Variants in CSMD3 observed in about 807,000 individuals in gnomAD.
CSMD3 encodes CUB and sushi domain-containing protein 3.
CSMD3 carries 177 observed loss-of-function variants against 435.2 expected under a neutral mutation model. That is an observed-to-expected ratio of 0.41 (90% CI 0.36 to 0.46). The LOEUF (loss-of-function observed/expected upper bound fraction) is 0.46. Among genes scored for constraint, CSMD3 ranks in the 20% least tolerant of loss-of-function variants. The pLI, the probability that CSMD3 is intolerant of heterozygous loss-of-function variation, is 0.34. For missense variants in CSMD3, 4,265 were observed against 4,504.6 expected (o/e 0.95, Z 1.52); for synonymous variants, 1,656 against 1,520.5 (o/e 1.09, Z -2.07).
At chr8:112,259,442 G>A (rs557979036) in intron 61 of CSMD3, among the ~76,000 whole-genome samples, 1 of 152,198 alleles carries the variant, frequency 6.6e-6, no homozygotes, top group South Asian at 2.1e-4. Flanking sequence ...GCCTGTCAGG[G>A]GGTGAGGGTC....
At chr8:112,241,828 A>C in intron 65 of CSMD3, 43 bp from the exon 66 acceptor site, 2 of 1,153,828 alleles carry the variant, frequency 1.7e-6, no homozygotes, top group Non-Finnish European at 2.6e-6. Context: ...TGATGCAATT[A>C]ATTACATACA....
At position 112,668,490 on chromosome 8, in the gene CSMD3, AG is replaced by A. The variant is rs1216057417; in HGVS notation, c.2678-2076del. Among the ~76,000 whole-genome samples the A allele has an allele frequency of 3.3e-5, 5 of 152,300 alleles. No individual in the cohort carries two copies. The East Asian group carries it at 7.7e-4, about 24-fold the overall frequency. On this transcript the variant is annotated intron_variant, in intron 16 of 70. Coordinates refer to ENST00000297405, the MANE Select transcript of CSMD3 (RefSeq NM_198123.2). ...AGAAATGGGCCATAAAGAATTAAAA[AG>A]TAAAGTACTGAGAAGCATTCCGACT...
intron 38 of CSMD3, among the ~76,000 whole-genome samples, chr8:112,371,150 G>A (rs1233699454): frequency 1.3e-5 from 2 of 152,120 alleles, no homozygotes; most frequent in Non-Finnish European, 2.9e-5. Flanking sequence ...GCAGAGGTGA[G>A]GGCCTAGCCC....
At chr8:113,412,493 T>G (rs930936750) in intron 1 of CSMD3, among the ~76,000 whole-genome samples, 4 of 152,156 alleles carry the variant, frequency 2.6e-5, no homozygotes, top group Admixed American at 6.5e-5. Flanking sequence ...ACTGTTAATC[T>G]GTTGATGACC....
At chr8:112,994,147 C>A (rs2085557147) in intron 6 of CSMD3, among the ~76,000 whole-genome samples, 1 of 151,704 alleles carries the variant, frequency 6.6e-6, no homozygotes, top group Non-Finnish European at 1.5e-5. Flanking sequence ...CCAATCAATG[C>A]TCATAATTTT....
intron 13 of CSMD3, among the ~76,000 whole-genome samples, chr8:112,762,479 C>A (rs531489340): frequency 2.6e-5 from 4 of 151,862 alleles, no homozygotes; most frequent in Non-Finnish European, 5.9e-5. Flanking sequence ...ACCTCTTTAC[C>A]TGACTTCTAT....
intron 3 of CSMD3, among the ~76,000 whole-genome samples, chr8:113,237,101 T>A (rs2093159514): frequency 6.6e-6 from 1 of 152,186 alleles, no homozygotes; most frequent in African/African-American, 2.4e-5. Context: ...AATTGGTCTG[T>A]ATATTATTCC....
rs377610586 is a variant in CSMD3 at position 112,494,494 on chromosome 8, C to CTTTTCTTTCTTTCTTTCTTTCTTT, written c.5084-1812_5084-1811insAAAGAAAGAAAGAAAGAAAGAAAA. 1.2e-4 allele frequency among the ~76,000 whole-genome samples: 5 copies of CTTTTCTTTCTTTCTTTCTTTCTTT among 40,228 alleles called. 1 individual carries two copies. The highest frequency in any genetic ancestry group is 6.7e-4 in the South Asian group (1 of 1,484). The allele number at this position is 40,228 out of a possible 152,430, so 26.4% of individuals were successfully genotyped here. On this transcript the variant is annotated intron_variant, in intron 30 of 70. Transcript: ENST00000297405. ...TTTCTTTTCTTTTGTTTCTTTCTCT[C>CTTTTCTTTCTTTCTTTCTTTCTTT]CTTTCTTTCTTTCTTTCTTTCTTTC...
intron 20 of CSMD3, among the ~76,000 whole-genome samples, chr8:112,641,389 T>C (rs1356191777): frequency 1.3e-5 from 2 of 152,174 alleles, no homozygotes; most frequent in African/African-American, 4.8e-5. Flanking sequence ...TAGAAGACTG[T>C]AAGTAACTCA....
intron 10 of CSMD3, among the ~76,000 whole-genome samples, chr8:112,869,575 T>C (rs2081074357): frequency 6.6e-6 from 1 of 152,130 alleles, no homozygotes; most frequent in African/African-American, 2.4e-5. Flanking sequence ...ATAAAGACAC[T>C]TGCACAGGTG....
intron 1 of CSMD3, among the ~76,000 whole-genome samples, chr8:113,325,187 G>C (rs2093975526): frequency 6.6e-6 from 1 of 152,196 alleles, no homozygotes; most frequent in Admixed American, 6.5e-5. Flanking sequence ...TTGGGAGACT[G>C]CTGGGAAGGC....
In CSMD3 at chr8:112,822,324, T is replaced by A. The variant is rs2079551556; in HGVS notation, c.1859+7362A>T. ...TCACTTGTTTATTTCCTTTCTTATT[T>A]CCTTGTGCAGTGGTTTGTAGTTCTC... On this transcript the variant is annotated intron_variant, in intron 12 of 70. Coordinates refer to ENST00000297405, the MANE Select transcript of CSMD3 (RefSeq NM_198123.2). Among the ~76,000 whole-genome samples the A allele has an allele frequency of 2.6e-5, 4 of 152,306 alleles. 1 individual carries two copies. The highest frequency in any genetic ancestry group is 6.8e-3 in the Middle Eastern group (2 of 294).
Position 112,223,173 on chromosome 8 carries a change from G to A in CSMD3, c.*1598C>T, listed in dbSNP as rs1301405584. 1 of 396,666 alleles carries A rather than the reference G, an allele frequency of 2.5e-6. No individual in the cohort carries two copies. Among genetic ancestry groups the A allele is most frequent in the Non-Finnish European group, 4.5e-6 (1 of 224,658 alleles). The allele number at this position is 396,666 out of a possible 1,614,324, so 24.6% of individuals were successfully genotyped here. A position where few individuals can be genotyped will look rare whatever the true frequency, so the allele number is the denominator to read the frequency against. The stretch of plus-strand genomic sequence containing the variant: ...GAATAAACAAGAATAAATAACTGAT[G>A]GCATAAAATTTAAAACTGCATCCTG... On this transcript the variant is annotated 3_prime_UTR_variant, in exon 71 of 71. Transcript: ENST00000297405.
intron 4 of CSMD3, among the ~76,000 whole-genome samples, chr8:113,118,524 T>C (rs544695147): frequency 2.5e-4 from 38 of 152,116 alleles, no homozygotes; most frequent in Non-Finnish European, 4.9e-4. Context: ...TGACTGGGCA[T>C]GGTGGCTAAC....
intron 13 of CSMD3, among the ~76,000 whole-genome samples, chr8:112,706,390 T>C (rs1318478743): frequency 6.6e-6 from 1 of 152,030 alleles, no homozygotes; most frequent in Non-Finnish European, 1.5e-5. Context: ...ATAAAATGTA[T>C]TGGGAATATG....
intron 5 of CSMD3, among the ~76,000 whole-genome samples, chr8:113,067,094 T>C (rs1198730493): frequency 6.6e-6 from 1 of 152,144 alleles, no homozygotes; most frequent in African/African-American, 2.4e-5. Flanking sequence ...ATATTTTTTG[T>C]CTTCTTTTTC....
chr8:113,052,831 G>C (rs1465560647), intron 5 of CSMD3, among the ~76,000 whole-genome samples: 1 of 152,160 alleles, frequency 6.6e-6, no homozygotes, highest in East Asian at 1.9e-4. Flanking sequence ...ATAACTAAGA[G>C]AGGTATTAGA....
chr8:112,587,023 G>A (rs2131352253), intron 23 of CSMD3, 43 bp downstream of exon 23: 1 of 1,377,130 alleles, frequency 7.3e-7, no homozygotes. Context: ...TATATTTAAT[G>A]ACTAAAAATG....
intron 46 of CSMD3, 46 bp from the exon 47 acceptor site, chr8:112,318,996 G>T (rs1309285201): frequency 9.4e-7 from 1 of 1,059,630 alleles, no homozygotes; most frequent in Non-Finnish European, 1.5e-6. Context: ...ACAAGGTGAT[G>T]ATAAAAATAA....
Sources: allele counts gnomAD v4.1 joint callset (sites outside exome capture counted in the v4.1 genomes callset), GRCh38; gene constraint gnomAD v4.1.1; transcripts MANE v1.5; gene names NCBI Gene and HGNC (gene_info 2026-07-23, HGNC 2026-07-21).